The following ITPR1 variants were observed in gnomAD, a reference collection of about 807,000 sequenced individuals.
ITPR1 encodes inositol 1,4,5-trisphosphate-gated calcium channel ITPR1.
Under a neutral mutation model 318.4 loss-of-function variants are expected in ITPR1, and 96 were observed. The observed-to-expected ratio is 0.30, with a 90% CI of 0.26 to 0.36. ITPR1 has a LOEUF of 0.36. Among genes scored for constraint, ITPR1 ranks in the 10% least tolerant of loss-of-function variants. The pLI is 1.00. For synonymous variants in ITPR1, 1,312 were observed against 1,289.9 expected, an observed-to-expected ratio of 1.02 and a Z score of -0.37; for missense variants, 2,440 against 3,460.2, an observed-to-expected ratio of 0.71 and a Z score of 7.40.
chr3:4,625,745 G>C (rs1354009581), intron 4 of ITPR1, among the ~76,000 whole-genome samples: 1 of 152,044 alleles, frequency 6.6e-6, no homozygotes, highest in African/African-American at 2.4e-5. Context: ...TTTTAGTAGA[G>C]GCGGGGTTTC....
chr3:4,538,082 C>G (rs555209504), intron 4 of ITPR1, among the ~76,000 whole-genome samples: 1 of 151,858 alleles, frequency 6.6e-6, no homozygotes, highest in South Asian at 2.1e-4. Context: ...TTTGTTCTTC[C>G]TTTATTCTTT....
At chr3:4,592,651 C>G (rs766171904) in intron 4 of ITPR1, among the ~76,000 whole-genome samples, 1 of 152,190 alleles carries the variant, frequency 6.6e-6, no homozygotes. Context: ...ACTCCATTGT[C>G]AGGCAGGTCC....
At chr3:4,768,101 A>G (rs1016392544) in intron 45 of ITPR1, among the ~76,000 whole-genome samples, 6 of 152,246 alleles carry the variant, frequency 3.9e-5, no homozygotes, top group African/African-American at 1.4e-4. Flanking sequence ...TTTGATAGTT[A>G]CAGAAGGGTC....
intron 61 of ITPR1, among the ~76,000 whole-genome samples, chr3:4,842,560 GT>G (rs2051430419): frequency 6.6e-6 from 1 of 152,098 alleles, no homozygotes; most frequent in South Asian, 2.1e-4. Context: ...TAGAGATGGG[GT>G]TTTACCATGT....
At chr3:4,673,656 C>T (rs1004777506) in intron 21 of ITPR1, among the ~76,000 whole-genome samples, 1 of 152,186 alleles carries the variant, frequency 6.6e-6, no homozygotes, top group Non-Finnish European at 1.5e-5. Context: ...AATCTCGGCT[C>T]ACTACAAGCT....
At chr3:4,583,610 G>A (rs1025052296) in intron 4 of ITPR1, among the ~76,000 whole-genome samples, 2 of 152,216 alleles carry the variant, frequency 1.3e-5, no homozygotes, top group African/African-American at 4.8e-5. Context: ...GAAAGATACA[G>A]CTTGAGCCTG....
chr3:4,568,836 A>G (rs2087673987), intron 4 of ITPR1, among the ~76,000 whole-genome samples: 1 of 152,160 alleles, frequency 6.6e-6, no homozygotes, highest in African/African-American at 2.4e-5. Context: ...GAGACTGGGC[A>G]ATTTATAAAG....
intron 7 of ITPR1, 114 bp from the exon 8 acceptor site, chr3:4,644,022 G>A (rs909057911): frequency 2.9e-6 from 2 of 691,956 alleles, no homozygotes; most frequent in African/African-American, 1.8e-5. Flanking sequence ...TACTTGCTGG[G>A]GATAGGCCTT....
At chr3:4,497,551 TA>T (rs2080688599) in intron 2 of ITPR1, among the ~76,000 whole-genome samples, 1 of 152,066 alleles carries the variant, frequency 6.6e-6, no homozygotes, top group African/African-American at 2.4e-5. Flanking sequence ...GAAAACTGGT[TA>T]AAGGGGGAAC....
At chr3:4,530,007 T>C (rs1229051845) in intron 4 of ITPR1, among the ~76,000 whole-genome samples, 1 of 152,188 alleles carries the variant, frequency 6.6e-6, no homozygotes, top group African/African-American at 2.4e-5. Context: ...TCTTAACAGC[T>C]ACTCTAAACT....
intron 2 of ITPR1, among the ~76,000 whole-genome samples, chr3:4,512,636 G>A (rs1168140310): frequency 1.3e-5 from 2 of 151,998 alleles, no homozygotes; most frequent in East Asian, 1.9e-4. Flanking sequence ...TGATGCCCTG[G>A]AATCTTTCAG....
In ITPR1 at chr3:4,681,291, C is replaced by T. The variant is rs2094293840; in HGVS notation, c.3107-73C>T. The T allele has an allele frequency of 9.5e-6, 10 of 1,052,332 alleles. No homozygotes were observed. The Admixed American group carries it at 1.7e-4, about 18-fold the overall frequency. The allele number at this position is 1,052,332 out of a possible 1,614,324, so 65.2% of individuals were successfully genotyped here. A position where few individuals can be genotyped will look rare whatever the true frequency, so the allele number is the denominator to read the frequency against. ...AACTCAACAGCTTTACCCTGCAAAA[C>T]TTATGGATGAGTTCACCAGCAGCAT... On this transcript the variant is annotated intron_variant, in intron 25 of 61. Coordinates refer to ENST00000649015, the MANE Select transcript of ITPR1 (RefSeq NM_001378452.1).
chr3:4,838,847 T>G (rs1233070642), intron 61 of ITPR1, among the ~76,000 whole-genome samples: 1 of 152,250 alleles, frequency 6.6e-6, no homozygotes, highest in Non-Finnish European at 1.5e-5. Context: ...TGAAACAAAC[T>G]ATTAATGGGC....
intron 4 of ITPR1, among the ~76,000 whole-genome samples, chr3:4,562,087 T>TTAAATAAATAAA (rs35311121): frequency 1.5e-4 from 23 of 149,028 alleles, no homozygotes; most frequent in South Asian, 2.1e-4. Context: ...GCTTATGAGC[T>TTAAATAAATAAA]TAAATAAATA....
Position 4,652,234 on chromosome 3 carries a change from T to A in ITPR1, c.951+16T>A. On this transcript the variant is annotated intron_variant, in intron 11 of 61. Coordinates refer to ENST00000649015, the MANE Select transcript of ITPR1 (RefSeq NM_001378452.1). ...GGCAGCAGAGGTAAGTAGCAGCTCC[T>A]GTGGTTTTCTCTTTCAAGGCTGACG... 6.3e-7 allele frequency: 1 copy of A among 1,589,158 alleles called. No homozygotes were observed. The highest frequency in any genetic ancestry group is 8.6e-7 in the Non-Finnish European group (1 of 1,161,966).
chr3:4,532,446 C>A (rs910941154), intron 4 of ITPR1, among the ~76,000 whole-genome samples: 1 of 152,154 alleles, frequency 6.6e-6, no homozygotes, highest in Non-Finnish European at 1.5e-5. Flanking sequence ...CCCACCGCAG[C>A]CTTGACTTCC....
At chr3:4,627,725 C>T in intron 4 of ITPR1, 38 bp from the exon 5 acceptor site, 1 of 1,313,224 alleles carries the variant, frequency 7.6e-7, no homozygotes. Context: ...CTCTATACAC[C>T]CTCAATGGCA....
At chr3:4,785,552 C>T (rs2047137990) in intron 51 of ITPR1, among the ~76,000 whole-genome samples, 1 of 118,608 alleles carries the variant, frequency 8.4e-6, no homozygotes, top group South Asian at 3.0e-4. Context: ...CCAACCATGC[C>T]AGTGTATGTG....
chr3:4,705,341 A>C (rs1397376777), intron 36 of ITPR1, among the ~76,000 whole-genome samples: 1 of 152,174 alleles, frequency 6.6e-6, no homozygotes, highest in Non-Finnish European at 1.5e-5. Flanking sequence ...AGCATCTTAC[A>C]TTAGCAGGGC....
Sources: allele counts gnomAD v4.1 joint callset (sites outside exome capture counted in the v4.1 genomes callset), GRCh38; gene constraint gnomAD v4.1.1; transcripts MANE v1.5; gene names NCBI Gene and HGNC (gene_info 2026-07-23, HGNC 2026-07-21).